KLF8: variants seen among roughly 807,000 people sequenced by gnomAD.
KLF8 encodes the protein KLF transcription factor 8, also known as Krueppel-like factor 8.
A neutral mutation model predicts 18.2 loss-of-function variants in KLF8; 10 were observed. That is an observed-to-expected ratio of 0.55 (90% CI 0.34 to 0.93). The LOEUF is 0.93. Ranked by LOEUF, KLF8 falls within the 40% of genes least tolerant of loss-of-function variation. The pLI is 0.02. For missense variants in KLF8, 264 were observed against 277.9 expected, an observed-to-expected ratio of 0.95 and a Z score of 0.36; for synonymous variants, 109 against 97.3, an observed-to-expected ratio of 1.12 and a Z score of -0.71.
At chrX:56,270,375 CACACACGA>C (rs1701327934) in intron 5 of KLF8, 54 bp downstream of exon 5, 9 of 1,037,671 alleles carry the variant, frequency 8.7e-6, no homozygotes, top group African/African-American at 7.0e-5. Flanking sequence ...CACACACACA[CACACACGA>C]GAGAGAGAGA....
chrX:55,916,002 C>T, the KLF8 span, among the ~76,000 whole-genome samples: 3 of 111,765 alleles, frequency 2.7e-5, no homozygotes, highest in African/African-American at 9.7e-5. Context: ...CCTCATCTCT[C>T]GAGTTTATAA....
chrX:56,209,500 G>C, the KLF8 span, among the ~76,000 whole-genome samples: 3 of 111,069 alleles, frequency 2.7e-5, no homozygotes, highest in Admixed American at 2.9e-4. Flanking sequence ...ATGGTGGTGA[G>C]TGCCTGTAAT....
chrX:56,046,206 A>G, the KLF8 span, among the ~76,000 whole-genome samples: 2 of 111,860 alleles, frequency 1.8e-5, no homozygotes, highest in South Asian at 7.5e-4. Flanking sequence ...CCACTTGATC[A>G]TGGTGGATTA....
the KLF8 span, among the ~76,000 whole-genome samples, chrX:56,049,517 G>T: frequency 9.2e-6 from 1 of 108,405 alleles, no homozygotes; most frequent in Admixed American, 9.9e-5. Context: ...TGCATCTATG[G>T]AGATAATCAT....
the KLF8 span, among the ~76,000 whole-genome samples, chrX:56,157,093 A>G: frequency 4.7e-4 from 51 of 108,013 alleles, no homozygotes; most frequent in African/African-American, 1.6e-3. Context: ...AGGGACATGG[A>G]TGAAGCTGGA....
chrX:56,216,210 C>T, the KLF8 span, among the ~76,000 whole-genome samples: 4 of 110,506 alleles, frequency 3.6e-5, no homozygotes, highest in Non-Finnish European at 7.6e-5. Flanking sequence ...TGAAGTCCTG[C>T]ACCAGCCTCC....
At chrX:56,075,995 TC>T in the KLF8 span, among the ~76,000 whole-genome samples, 54,615 of 106,915 alleles carry the variant, frequency 0.51, 13,008 homozygotes, top group Non-Finnish European at 0.72. Context: ...AGTGTGATGT[TC>T]CCCTTCCTAT....
the KLF8 span, among the ~76,000 whole-genome samples, chrX:56,114,595 C>A: frequency 8.9e-6 from 1 of 112,631 alleles, no homozygotes; most frequent in African/African-American, 3.2e-5. Flanking sequence ...GTGGAATGAC[C>A]GTCCTCATAT....
chrX:56,003,885 CAA>C, the KLF8 span, among the ~76,000 whole-genome samples: 2 of 112,169 alleles, frequency 1.8e-5, no homozygotes, highest in African/African-American at 6.5e-5. Flanking sequence ...TTCCGTGACA[CAA>C]AGTGAGGAAC....
At chrX:56,272,175 C>G (rs969271157) in intron 5 of KLF8, among the ~76,000 whole-genome samples, 1 of 110,988 alleles carries the variant, frequency 9.0e-6, no homozygotes, top group Non-Finnish European at 1.9e-5. Flanking sequence ...AGCCAGATGA[C>G]TGATGAATGG....
the KLF8 span, among the ~76,000 whole-genome samples, chrX:56,119,758 C>T: frequency 5.5e-5 from 6 of 108,390 alleles, no homozygotes; most frequent in Admixed American, 4.1e-4. Flanking sequence ...GTTGTTTTAA[C>T]GTAGTCTAGT....
the KLF8 span, among the ~76,000 whole-genome samples, chrX:55,987,792 G>A: frequency 8.9e-6 from 1 of 112,077 alleles, no homozygotes. Context: ...TTCCACAATG[G>A]TTGAACTAGT....
rs1275433061 is a variant in KLF8, at chrX:56,265,861, A to G, written c.646+117A>G. The G allele has an allele frequency of 3.7e-6, 4 of 1,076,295 alleles. No individual in the cohort carries two copies. The African/African-American group carries it at 7.5e-5, about 20-fold the overall frequency. The allele number at this position is 1,076,295 out of a possible 1,213,427, so 88.7% of individuals were successfully genotyped here. A position where few individuals can be genotyped will look rare whatever the true frequency, so the allele number is the denominator to read the frequency against. ...TATTCTTGCACACTGCTTCAAGAGTAATCTTTCAAAAGTACTGTTTTTTAT... is the reference window on the plus strand; with the variant it reads ...TATTCTTGCACACTGCTTCAAGAGTGATCTTTCAAAAGTACTGTTTTTTAT... On this transcript the variant is annotated intron_variant, in intron 3 of 5. Coordinates refer to ENST00000468660, the MANE Select transcript of KLF8 (RefSeq NM_007250.5).
At chrX:56,140,587 C>T in the KLF8 span, among the ~76,000 whole-genome samples, 21 of 110,315 alleles carry the variant, frequency 1.9e-4, no homozygotes, top group Admixed American at 1.8e-3. Context: ...GGGGAATAGA[C>T]ACCAGGGCCT....
At chrX:56,214,599 A>G in the KLF8 span, among the ~76,000 whole-genome samples, 8 of 112,570 alleles carry the variant, frequency 7.1e-5, no homozygotes, top group Admixed American at 7.5e-4. Context: ...AAGTTTGGAC[A>G]CAGATACATG....
the KLF8 span, among the ~76,000 whole-genome samples, chrX:56,039,358 C>G: frequency 1.8e-5 from 2 of 111,614 alleles, no homozygotes; most frequent in South Asian, 7.5e-4. Context: ...ACATTTAAGT[C>G]TTTAATCCCT....
chrX:56,050,101 A>C, the KLF8 span, among the ~76,000 whole-genome samples: 95 of 109,619 alleles, frequency 8.7e-4, no homozygotes, highest in Non-Finnish European at 1.4e-3. Flanking sequence ...TTTCTGTGGG[A>C]TCGGTGGTGA....
chrX:56,072,178 T>C, the KLF8 span, among the ~76,000 whole-genome samples: 1 of 111,870 alleles, frequency 8.9e-6, no homozygotes. Context: ...AAGAGCTCTT[T>C]AATGTTAAAT....
chrX:56,286,755 A>G lies in KLF8; in HGVS notation c.*2261A>G, dbSNP rs1220884623. Reference sequence around the variant, plus strand: ...TGACATGTGGGTTTTTACTGTTATCATTGTTATTTCGATAGGGCTTTTTCC... The same window carrying G: ...TGACATGTGGGTTTTTACTGTTATCGTTGTTATTTCGATAGGGCTTTTTCC... On this transcript the variant is annotated 3_prime_UTR_variant, in exon 6 of 6. Transcript: ENST00000468660. 8.9e-6 allele frequency: 1 copy of G among 112,072 alleles called. No homozygotes were observed. The highest frequency in any genetic ancestry group is 1.9e-5 in the Non-Finnish European group (1 of 53,249). 9.2% of individuals were successfully genotyped at this position (112,072 alleles called of 1,213,427 possible).
Sources: allele counts gnomAD v4.1 joint callset (sites outside exome capture counted in the v4.1 genomes callset), GRCh38; gene constraint gnomAD v4.1.1; transcripts MANE v1.5; gene names NCBI Gene and HGNC (gene_info 2026-07-23, HGNC 2026-07-21).